The following PTER variants were observed in gnomAD, a reference collection of about 807,000 sequenced individuals.
PTER encodes the protein phosphotriesterase related.
Under a neutral mutation model 29.6 loss-of-function variants are expected in PTER, and 38 were observed. The ratio of observed to expected loss-of-function variants is 1.28; its 90% CI spans 0.99 to 1.68. PTER has a LOEUF of 1.68. PTER is among the 40% of genes most tolerant of loss of function. The pLI, the probability that PTER is intolerant of heterozygous loss-of-function variation, is 0.00. For missense variants in PTER, 482 were observed against 427.8 expected, an observed-to-expected ratio of 1.13 and a Z score of -1.12; for synonymous variants, 172 against 154.5, an observed-to-expected ratio of 1.11 and a Z score of -0.84.
At chr10:16,500,991 G>A (rs1032221049) in intron 3 of PTER, among the ~76,000 whole-genome samples, 1 of 151,980 alleles carries the variant, frequency 6.6e-6, no homozygotes, top group African/African-American at 2.4e-5. Flanking sequence ...GAGTACAGTG[G>A]CACGATCTCG....
intron 4 of PTER, 56 bp from the exon 5 acceptor site, chr10:16,510,990 C>A: frequency 6.7e-7 from 1 of 1,494,040 alleles, no homozygotes; most frequent in Non-Finnish European, 9.2e-7. Context: ...TTGAAAGCAT[C>A]CTGAAAAGCG....
In PTER at chr10:16,437,043, C is replaced by A. The variant is rs1321303578; in HGVS notation, c.-53C>A. On this transcript the variant is annotated 5_prime_UTR_variant, in exon 1 of 5. Transcript: ENST00000535784. ...CCAGGGAGAAGGCAGCGCGTTGTAC[C>A]CGAGGTAAGGCTTCTTGGAGTCAGA... 1.3e-5 allele frequency: 2 copies of A among 152,540 alleles called. No homozygotes were observed. The highest frequency in any genetic ancestry group is 4.8e-5 in the African/African-American group (2 of 41,454). The allele number at this position is 152,540 out of a possible 1,614,324, so 9.4% of individuals were successfully genotyped here.
chr10:16,455,439 C>G (rs923471692), intron 1 of PTER, among the ~76,000 whole-genome samples: 9 of 152,194 alleles, frequency 5.9e-5, no homozygotes, highest in African/African-American at 2.2e-4. Flanking sequence ...GCCTATAATC[C>G]TAACACTTTG....
At chr10:16,461,547 G>A (rs988678045) in intron 1 of PTER, among the ~76,000 whole-genome samples, 2 of 152,098 alleles carry the variant, frequency 1.3e-5, no homozygotes, top group Non-Finnish European at 2.9e-5. Context: ...CAGCTTTCAG[G>A]AGTTGAAATT....
intron 1 of PTER, among the ~76,000 whole-genome samples, chr10:16,454,505 G>A (rs1834323887): frequency 6.6e-6 from 1 of 151,896 alleles, no homozygotes; most frequent in South Asian, 2.1e-4. Context: ...GAACCCGGGA[G>A]GCAGAGGTTG....
chr10:16,466,647 C>T (rs1564392854), intron 1 of PTER, among the ~76,000 whole-genome samples: 1 of 152,214 alleles, frequency 6.6e-6, no homozygotes, highest in Non-Finnish European at 1.5e-5. Context: ...TGAGCCACTG[C>T]ACCTGGCCTG....
intron 1 of PTER, among the ~76,000 whole-genome samples, chr10:16,463,410 CTT>C (rs1309288931): frequency 6.6e-6 from 1 of 151,638 alleles, no homozygotes; most frequent in South Asian, 2.1e-4. Flanking sequence ...TGCATATTTT[CTT>C]TTTTTTGTTG....
chr10:16,501,328 T>TAC (rs35321143), intron 3 of PTER, among the ~76,000 whole-genome samples: 33,389 of 116,784 alleles, frequency 0.29, 3,826 homozygotes, highest in Admixed American at 0.34. Context: ...AATGAATAAC[T>TAC]ACACACACAC....
chr10:16,464,263 C>T (rs1834728439), intron 1 of PTER, among the ~76,000 whole-genome samples: 1 of 152,152 alleles, frequency 6.6e-6, no homozygotes, highest in Non-Finnish European at 1.5e-5. Context: ...CTTGAGAGTT[C>T]AGAATTCAAT....
At chr10:16,441,958 G>C (rs1173269064) in intron 1 of PTER, among the ~76,000 whole-genome samples, 1 of 151,898 alleles carries the variant, frequency 6.6e-6, no homozygotes, top group Non-Finnish European at 1.5e-5. Flanking sequence ...TAAACACTGA[G>C]TTCTTTCTTC....
rs1183167783 is a variant in PTER, at chr10:16,505,175, G to C, written c.839+15G>C. The stretch of plus-strand genomic sequence containing the variant: ...AGAATTAGAAGGTAAATATGGTAAA[G>C]CCTCTCATAGCATTCCCTTTCCCTA... On this transcript the variant is annotated intron_variant, in intron 4 of 4. Coordinates refer to ENST00000535784, the MANE Select transcript of PTER (RefSeq NM_001261836.2). The C allele has an allele frequency of 6.2e-7, 1 of 1,612,744 alleles. No individual in the cohort carries two copies. The highest frequency in any genetic ancestry group is 1.7e-5 in the Admixed American group (1 of 59,954).
chr10:16,490,294 C>T (rs543913130), intron 3 of PTER, among the ~76,000 whole-genome samples: 1 of 152,122 alleles, frequency 6.6e-6, no homozygotes, highest in East Asian at 1.9e-4. Flanking sequence ...ATTGCATTCA[C>T]GCCATTGTAA....
At chr10:16,442,709 G>A (rs1356578820) in intron 1 of PTER, among the ~76,000 whole-genome samples, 1 of 152,182 alleles carries the variant, frequency 6.6e-6, no homozygotes, top group Non-Finnish European at 1.5e-5. Flanking sequence ...GCCAGGCGTG[G>A]TGTCTCATGC....
At chr10:16,502,113 A>T (rs1267120814) in intron 3 of PTER, among the ~76,000 whole-genome samples, 1 of 152,208 alleles carries the variant, frequency 6.6e-6, no homozygotes, top group African/African-American at 2.4e-5. Flanking sequence ...TTCTCAAGGC[A>T]TTGGGCCAAA....
In PTER at chr10:16,512,909, A is replaced by G. The variant is rs1836866563; in HGVS notation, c.*1653A>G. On this transcript the variant is annotated 3_prime_UTR_variant, in exon 5 of 5. Coordinates refer to ENST00000535784, the MANE Select transcript of PTER (RefSeq NM_001261836.2). ...CATTTTTAATCTTTTCCTTAGATGA[A>G]AGAGATGGCTTTTGGCAGTGTGTTC... 1 of 152,548 alleles carries G rather than the reference A, an allele frequency of 6.6e-6. No homozygotes were observed. Among genetic ancestry groups the G allele is most frequent in the Non-Finnish European group, 1.5e-5 (1 of 67,978 alleles). 9.4% of individuals were successfully genotyped at this position (152,548 alleles called of 1,614,324 possible).
intron 1 of PTER, among the ~76,000 whole-genome samples, chr10:16,447,986 G>A (rs978123548): frequency 6.6e-6 from 1 of 152,182 alleles, no homozygotes; most frequent in Non-Finnish European, 1.5e-5. Context: ...ATGCTGCTGT[G>A]TACACCCTAC....
At chr10:16,507,201 C>CATAT (rs55959560) in intron 4 of PTER, among the ~76,000 whole-genome samples, 8,443 of 140,264 alleles carry the variant, frequency 0.06, 260 homozygotes, top group Middle Eastern at 0.076. Flanking sequence ...GTGGGTGGAG[C>CATAT]ATATATATAT....
chr10:16,499,233 G>A (rs1269974338), intron 3 of PTER, among the ~76,000 whole-genome samples: 1 of 152,000 alleles, frequency 6.6e-6, no homozygotes, highest in East Asian at 1.9e-4. Context: ...TGACTATCAG[G>A]TGTTGATTTT....
At chr10:16,492,728 G>T (rs1588621989) in intron 3 of PTER, among the ~76,000 whole-genome samples, 1 of 152,204 alleles carries the variant, frequency 6.6e-6, no homozygotes, top group African/African-American at 2.4e-5. Flanking sequence ...AAGCCAAAGG[G>T]CTTTGATAGA....
Sources: allele counts gnomAD v4.1 joint callset (sites outside exome capture counted in the v4.1 genomes callset), GRCh38; gene constraint gnomAD v4.1.1; transcripts MANE v1.5; gene names NCBI Gene and HGNC (gene_info 2026-07-23, HGNC 2026-07-21).